Variants in NLGN1 observed in about 807,000 individuals in gnomAD.
NLGN1 encodes the protein neuroligin-1.
A neutral mutation model predicts 65.5 loss-of-function variants in NLGN1; 12 were observed. The observed-to-expected ratio is 0.18, with a 90% confidence interval of 0.12 to 0.30. The LOEUF (loss-of-function observed/expected upper bound fraction) is 0.30. Ranked by LOEUF, NLGN1 falls within the 10% of genes least tolerant of loss-of-function variation. NLGN1 has a pLI of 1.00. For synonymous variants in NLGN1, 350 were observed against 359.5 expected, an observed-to-expected ratio of 0.97 and a Z score of 0.30; for missense variants, 750 against 1,007.1, an observed-to-expected ratio of 0.74 and a Z score of 3.46.
chr3:173,728,594 A>T (rs991395568), intron 3 of NLGN1, among the ~76,000 whole-genome samples: 1 of 152,114 alleles, frequency 6.6e-6, no homozygotes, highest in African/African-American at 2.4e-5. Context: ...AGATGTACTT[A>T]GTTCAGATGA....
At chr3:173,403,327 G>A (rs1372925956) in intron 1 of NLGN1, among the ~76,000 whole-genome samples, 1 of 152,074 alleles carries the variant, frequency 6.6e-6, no homozygotes, top group Admixed American at 6.6e-5. Flanking sequence ...GTAAACTATA[G>A]TTAAATCAGA....
intron 3 of NLGN1, among the ~76,000 whole-genome samples, chr3:173,722,597 A>G (rs1052500160): frequency 1.3e-5 from 2 of 152,100 alleles, no homozygotes; most frequent in African/African-American, 4.8e-5. Flanking sequence ...CTATTAAGAC[A>G]TGAGAAACAA....
intron 4 of NLGN1, among the ~76,000 whole-genome samples, chr3:173,940,550 A>T (rs973534634): frequency 2.0e-5 from 3 of 152,174 alleles, no homozygotes; most frequent in Admixed American, 1.3e-4. Flanking sequence ...GATATGTGTC[A>T]TTCGGAAAAA....
intron 4 of NLGN1, among the ~76,000 whole-genome samples, chr3:173,934,817 CTATT>C (rs1187196480): frequency 6.6e-6 from 1 of 151,970 alleles, no homozygotes. Flanking sequence ...TCACATGTCA[CTATT>C]TAAATATCTG....
chr3:173,856,289 T>C (rs375733688), intron 4 of NLGN1, among the ~76,000 whole-genome samples: 11 of 151,920 alleles, frequency 7.2e-5, no homozygotes, highest in African/African-American at 2.7e-4. Context: ...CGTTTTACTA[T>C]ATATTAACTA....
At chr3:173,939,939 C>A (rs185785769) in intron 4 of NLGN1, among the ~76,000 whole-genome samples, 36 of 151,978 alleles carry the variant, frequency 2.4e-4, no homozygotes, top group Admixed American at 2.4e-3. Context: ...AATGATCACT[C>A]GGTCTTAAAC....
At chr3:174,167,284 G>T (rs1322590872) in intron 4 of NLGN1, among the ~76,000 whole-genome samples, 2 of 151,796 alleles carry the variant, frequency 1.3e-5, no homozygotes, top group African/African-American at 4.8e-5. Flanking sequence ...TGCTTTAAAG[G>T]GTTTACAAAC....
chr3:173,615,158 C>G (rs765448885), intron 3 of NLGN1, among the ~76,000 whole-genome samples: 1 of 152,012 alleles, frequency 6.6e-6, no homozygotes, highest in Non-Finnish European at 1.5e-5. Context: ...GGGCCTCAGA[C>G]TATCATCAGG....
intron 4 of NLGN1, among the ~76,000 whole-genome samples, chr3:173,829,968 G>A (rs997952410): frequency 1.4e-5 from 2 of 147,926 alleles, no homozygotes; most frequent in South Asian, 2.1e-4. Context: ...ATATTTGCCC[G>A]GTGACTTTGG....
At chr3:173,734,991 T>C (rs565501148) in intron 3 of NLGN1, among the ~76,000 whole-genome samples, 1 of 152,142 alleles carries the variant, frequency 6.6e-6, no homozygotes, top group East Asian at 1.9e-4. Context: ...AAGGTTTTTC[T>C]TTTTCCTTTA....
intron 2 of NLGN1, among the ~76,000 whole-genome samples, chr3:173,542,910 G>A (rs1021044579): frequency 1.3e-5 from 2 of 152,184 alleles, no homozygotes; most frequent in East Asian, 3.9e-4. Context: ...TAGCTGATGT[G>A]ACTGATGTCT....
chr3:173,652,231 G>A (rs1040662624), intron 3 of NLGN1, among the ~76,000 whole-genome samples: 4 of 152,262 alleles, frequency 2.6e-5, no homozygotes, highest in African/African-American at 7.2e-5. Context: ...TGTTCACTCC[G>A]TTGATTATTT....
In NLGN1 at chr3:173,631,176, ACT is replaced by A. The variant is rs375997608; in HGVS notation, c.493+26090_493+26091del. Among the ~76,000 whole-genome samples, 95 of 152,198 alleles carry A rather than the reference ACT, an allele frequency of 6.2e-4. 1 individual carries two copies. The East Asian group carries it at 0.013, about 21-fold the overall frequency. On this transcript the variant is annotated intron_variant, in intron 3 of 6. Coordinates refer to ENST00000457714, the Ensembl canonical transcript of NLGN1. ...GTGGTTTCACTCATTATCATTATCA[ACT>A]CTCTATGAAATGACTGCTGAGTAAG...
At chr3:173,708,369 C>T (rs1200693725) in intron 3 of NLGN1, among the ~76,000 whole-genome samples, 1 of 152,172 alleles carries the variant, frequency 6.6e-6, no homozygotes, top group Non-Finnish European at 1.5e-5. Flanking sequence ...CTCAGTGCTG[C>T]ACCACGGGGA....
chr3:174,028,945 G>T lies in NLGN1; in HGVS notation c.646+221113G>T, dbSNP rs577522004. Among the ~76,000 whole-genome samples the T allele has an allele frequency of 3.3e-5, 5 of 152,262 alleles. No individual in the cohort carries two copies. In the South Asian group the frequency reaches 1.0e-3, roughly 32 times the overall value. On this transcript the variant is annotated intron_variant, in intron 4 of 6. Transcript: ENST00000457714. The stretch of plus-strand genomic sequence containing the variant: ...CCCTGCATCCCAGCCATGGCTAAAA[G>T]GGGCCAACATAGAGCTCAGGCCATC...
At chr3:173,506,988 C>T in intron 2 of NLGN1, among the ~76,000 whole-genome samples, 1 of 152,158 alleles carries the variant, frequency 6.6e-6, no homozygotes, top group East Asian at 1.9e-4. Flanking sequence ...TCTTGCCTTA[C>T]TTAATGTGCA....
chr3:173,685,011 C>CTCT (rs1257983066), intron 3 of NLGN1, among the ~76,000 whole-genome samples: 3 of 145,720 alleles, frequency 2.1e-5, no homozygotes, highest in Admixed American at 2.0e-4. Context: ...TGTGTGCCAC[C>CTCT]AGTTGAATCC....
chr3:173,825,468 T>A (rs1721157958), intron 4 of NLGN1, among the ~76,000 whole-genome samples: 1 of 152,092 alleles, frequency 6.6e-6, no homozygotes. Flanking sequence ...TTGTAGTGAT[T>A]AATATTAGTA....
At chr3:173,762,793 T>G (rs1470956386) in intron 3 of NLGN1, among the ~76,000 whole-genome samples, 3 of 151,814 alleles carry the variant, frequency 2.0e-5, no homozygotes, top group Non-Finnish European at 4.4e-5. Context: ...TAGGATAAAG[T>G]TTTGGGTGAG....
Sources: gnomAD v4.1 joint callset for allele counts (sites outside exome capture counted in the v4.1 genomes callset) on GRCh38, gnomAD v4.1.1 for gene constraint, MANE v1.5 for transcripts, NCBI Gene and HGNC (gene_info 2026-07-23, HGNC 2026-07-21) for gene names.